Variants in ZFPM1 observed in about 807,000 individuals in gnomAD.
The protein encoded by ZFPM1 is zinc finger protein ZFPM1.
Under a neutral mutation model 46.3 loss-of-function variants are expected in ZFPM1, and 28 were observed. That is an observed-to-expected ratio of 0.60 (90% CI 0.45 to 0.83). The LOEUF is 0.83. Ranked by LOEUF, ZFPM1 falls within the 40% of genes least tolerant of loss-of-function variation. The pLI, the probability that ZFPM1 is intolerant of heterozygous loss-of-function variation, is 0.00. For missense variants in ZFPM1, 1,878 were observed against 1,432.4 expected (o/e 1.31, Z -5.02); for synonymous variants, 957 against 675.9 (o/e 1.42, Z -6.45).
intron 5 of ZFPM1, among the ~76,000 whole-genome samples, chr16:88,527,769 C>A (rs186677935): frequency 6.6e-6 from 1 of 151,814 alleles, no homozygotes; most frequent in Non-Finnish European, 1.5e-5. Context: ...CCGCCCTCCA[C>A]GTCATCCCTT....
Position 88,514,415 on chromosome 16 carries a change from G to A in ZFPM1, c.297G>A (p.Gly99=), listed in dbSNP as rs1237970083. Residue 99 remains glycine, a synonymous_variant, in exon 4 of 10, where the codon GGG becomes GGA. Coordinates refer to ENST00000319555, the MANE Select transcript of ZFPM1 (RefSeq NM_153813.3). ...AGCTGGAGCCGGTGGTGCAGGATGG[G>A]CAGAGGCGCATACGGGCCCGACTCA... ...PDELEPVVQD[G]QRRIRARLSL... is the part of the protein sequence containing the mutation. 1 of 1,562,654 alleles carries A rather than the reference G, an allele frequency of 6.4e-7. No homozygotes were observed. Among genetic ancestry groups the A allele is most frequent in the Non-Finnish European group, 8.7e-7 (1 of 1,153,982 alleles).
chr16:88,490,792 C>T (rs763957671), intron 3 of ZFPM1, among the ~76,000 whole-genome samples: 1 of 152,202 alleles, frequency 6.6e-6, no homozygotes, highest in African/African-American at 2.4e-5. Flanking sequence ...GCTGGGGCCT[C>T]ATGGCCACCG....
intron 1 of ZFPM1, among the ~76,000 whole-genome samples, chr16:88,481,789 C>T (rs1484179762): frequency 2.0e-5 from 3 of 152,156 alleles, no homozygotes; most frequent in Non-Finnish European, 2.9e-5. Flanking sequence ...CGCTGGACTA[C>T]GTGGGTGGGG....
At chr16:88,493,494 G>T (rs1283940074) in intron 3 of ZFPM1, among the ~76,000 whole-genome samples, 1 of 141,934 alleles carries the variant, frequency 7.0e-6, no homozygotes, top group Non-Finnish European at 1.5e-5. Flanking sequence ...GAGCTGTCCC[G>T]GGGTGGGGAG....
Position 88,533,994 on chromosome 16 carries a change from A to G in ZFPM1, c.2036A>G (p.Asp679Gly). 1 of 1,352,492 alleles carries G rather than the reference A, an allele frequency of 7.4e-7. No homozygotes were observed. The allele number at this position is 1,352,492 out of a possible 1,614,324, so 83.8% of individuals were successfully genotyped here. ...AGCTCCGTGGACGACGCGGAGGACG[A>G]CCCCAGCCGCACGCTGTGCGAGGCC... The part of the protein sequence containing the change: ...PGSSVDDAED[D>G]PSRTLCEACN... Residue 679 changes from aspartate (D) to glycine (G), a missense_variant, in exon 10 of 10, where the codon GAC becomes GGC. Physicochemically the swap from Asp to Gly is moderately conservative, Grantham distance 94. Coordinates refer to ENST00000319555, the MANE Select transcript of ZFPM1 (RefSeq NM_153813.3).
At chr16:88,526,957 G>T (rs186354281) in intron 5 of ZFPM1, 41 bp downstream of exon 5, 306 of 1,532,760 alleles carry the variant, frequency 2.0e-4, no homozygotes, top group Non-Finnish European at 2.5e-4. Context: ...CCTTCCGGAA[G>T]GTGGGGGTCA....
At chr16:88,454,811 G>A (rs1008550253) in intron 1 of ZFPM1, among the ~76,000 whole-genome samples, 5 of 152,358 alleles carry the variant, frequency 3.3e-5, no homozygotes, top group Admixed American at 3.3e-4. Flanking sequence ...AGCCCTGCCA[G>A]GAGGCCACGA....
At chr16:88,525,785 T>C (rs1912266495) in intron 4 of ZFPM1, among the ~76,000 whole-genome samples, 1 of 152,228 alleles carries the variant, frequency 6.6e-6, no homozygotes, top group African/African-American at 2.4e-5. Context: ...CACCTCGCCC[T>C]GTCCCAGCCC....
At chr16:88,507,790 G>A (rs1176234692) in intron 3 of ZFPM1, among the ~76,000 whole-genome samples, 4 of 152,140 alleles carry the variant, frequency 2.6e-5, no homozygotes, top group African/African-American at 9.7e-5. Context: ...CCAGGCATTC[G>A]GATGCTCACA....
At position 88,534,814 on chromosome 16, in the gene ZFPM1, C is replaced by T; in HGVS notation, c.2856C>T (p.Tyr952=). ...CGCCCCCGCCGGCGCCCCCCTCCTA[C>T]TCGGACAAGGGCGTCCAGACTCCCA... ...AVPPPPAPPS[Y]SDKGVQTPSK... is the part of the protein sequence containing the mutation. The change falls in exon 10 of 10, where the codon TAC becomes TAT. Residue 952 remains tyrosine (Y), a synonymous_variant. Transcript: ENST00000319555. 2.7e-6 allele frequency: 4 copies of T among 1,481,136 alleles called. No individual in the cohort carries two copies. The highest frequency in any genetic ancestry group is 3.6e-6 in the Non-Finnish European group (4 of 1,114,548). The allele number at this position is 1,481,136 out of a possible 1,614,324, so 91.7% of individuals were successfully genotyped here. A position where few individuals can be genotyped will look rare whatever the true frequency, so the allele number is the denominator to read the frequency against.
chr16:88,465,633 T>G (rs1908099983), intron 1 of ZFPM1, among the ~76,000 whole-genome samples: 2 of 152,310 alleles, frequency 1.3e-5, no homozygotes, highest in South Asian at 4.1e-4. Flanking sequence ...CAGAGTCCCA[T>G]TGGCCAGCTG....
At position 88,453,698 on chromosome 16, in the gene ZFPM1, C is replaced by T. The variant is rs1166583150; in HGVS notation, c.40+20C>T. On this transcript the variant is annotated intron_variant, in intron 1 of 9. Coordinates refer to ENST00000319555, the MANE Select transcript of ZFPM1 (RefSeq NM_153813.3). The stretch of plus-strand genomic sequence containing the variant: ...TCAAGCGTGAGTCAAACTTTGCCCG[C>T]GGTCCCCTCCGCGCGCCCGACCCCC... 6 of 1,189,824 alleles carry T rather than the reference C, an allele frequency of 5.0e-6. No homozygotes were observed. The highest frequency in any genetic ancestry group is 1.3e-4 in the East Asian group (2 of 15,728). 73.7% of individuals were successfully genotyped at this position (1,189,824 alleles called of 1,614,324 possible). A position where few individuals can be genotyped will look rare whatever the true frequency, so the allele number is the denominator to read the frequency against.
chr16:88,516,235 T>C (rs1911288344), intron 4 of ZFPM1: 1 of 398,586 alleles, frequency 2.5e-6, no homozygotes. Context: ...TCCTTAATGG[T>C]AGGGCTGAGG....
chr16:88,476,969 T>C (rs1189867177), intron 1 of ZFPM1, among the ~76,000 whole-genome samples: 1 of 152,264 alleles, frequency 6.6e-6, no homozygotes, highest in Admixed American at 6.5e-5. Context: ...CACAGTGTGA[T>C]AGCGATGGAG....
At chr16:88,453,053 G>A (rs1344253351), upstream of ZFPM1, among the ~76,000 whole-genome samples, 1 of 151,450 alleles carries the variant, frequency 6.6e-6, no homozygotes, top group Non-Finnish European at 1.5e-5. Context: ...GCTGGGGTCG[G>A]AGCCAGCGCC....
chr16:88,526,059 C>T (rs1912290202), intron 4 of ZFPM1, among the ~76,000 whole-genome samples: 1 of 152,148 alleles, frequency 6.6e-6, no homozygotes, highest in African/African-American at 2.4e-5. Flanking sequence ...ACAGTGAGGC[C>T]AGGGGGGCCA....
Position 88,533,881 on chromosome 16 carries a change from C to G in ZFPM1, c.1923C>G (p.Pro641=). 1.0e-6 allele frequency: 1 copy of G among 1,002,026 alleles called. No individual in the cohort carries two copies. Among genetic ancestry groups the G allele is most frequent in the African/African-American group, 1.8e-5 (1 of 55,820 alleles). The allele number at this position is 1,002,026 out of a possible 1,614,324, so 62.1% of individuals were successfully genotyped here. ...EPDAPRSSPG[P]GAREEGAGGA... ...ACGCGCCGCGCTCGTCCCCGGGCCC[C>G]GGAGCGCGCGAGGAGGGGGCTGGGG... Residue 641 remains proline, a synonymous_variant, in exon 10 of 10, where the codon CCC becomes CCG. Transcript: ENST00000319555.
At chr16:88,485,847 G>T (rs747896990) in intron 1 of ZFPM1, 92 bp from the exon 2 acceptor site, 19 of 1,225,018 alleles carry the variant, frequency 1.6e-5, no homozygotes, top group Non-Finnish European at 2.2e-5. Flanking sequence ...TTCCGCCTGG[G>T]CACCGGGGCT....
rs924434910 is a variant in ZFPM1 at position 88,534,369 on chromosome 16, C to G, written c.2411C>G (p.Pro804Arg). Residue 804 changes from proline to arginine, a missense_variant, in exon 10 of 10, where the codon CCG (proline) becomes CGG (arginine). Physicochemically the swap from Pro to Arg is moderately radical, Grantham distance 103. Coordinates refer to ENST00000319555, the MANE Select transcript of ZFPM1 (RefSeq NM_153813.3). ...PIDLSKKPRR[P>R]LPGAPAPALA... ...GACCTGAGCAAGAAGCCGCGGCGCC[C>G]GCTCCCCGGAGCCCCGGCACCGGCG... 2 of 1,436,108 alleles carry G rather than the reference C, an allele frequency of 1.4e-6. No homozygotes were observed. The highest frequency in any genetic ancestry group is 1.5e-5 in the African/African-American group (1 of 66,894). The allele number at this position is 1,436,108 out of a possible 1,614,324, so 89.0% of individuals were successfully genotyped here.
Sources: allele counts gnomAD v4.1 joint callset (sites outside exome capture counted in the v4.1 genomes callset), GRCh38; gene constraint gnomAD v4.1.1; transcripts MANE v1.5; gene names NCBI Gene and HGNC (gene_info 2026-07-23, HGNC 2026-07-21).